Variants in KDM7A observed in about 807,000 individuals in gnomAD.
KDM7A encodes lysine-specific demethylase 7A.
A neutral mutation model predicts 114.8 loss-of-function variants in KDM7A; 28 were observed. The observed-to-expected ratio is 0.24, with a 90% CI of 0.18 to 0.33. The LOEUF (loss-of-function observed/expected upper bound fraction) is 0.33. Among genes scored for constraint, KDM7A ranks in the 10% least tolerant of loss-of-function variants. The pLI is 1.00. For missense variants in KDM7A, 942 were observed against 1,142.5 expected (o/e 0.82, Z 2.53); for synonymous variants, 423 against 397.8 (o/e 1.06, Z -0.75).
chr7:140,104,027 A>G (rs191112889), intron 11 of KDM7A, among the ~76,000 whole-genome samples: 64 of 152,218 alleles, frequency 4.2e-4, no homozygotes, highest in Non-Finnish European at 6.6e-4. Flanking sequence ...ATGGTATCTC[A>G]TTGTGGTTTT....
Position 140,133,626 on chromosome 7 carries a change from T to A in KDM7A, c.311A>T (p.Asp104Val). ...MKKRRNWHRH[D>V]YTEIDDGSKP... is the part of the protein sequence containing the mutation. ...GGAACCATCATCAATTTCTGTGTAG[T>A]CATGTCTGTGCCAGTTCCTCCTTTT... Residue 104 changes from aspartate to valine, a missense_variant, in exon 3 of 20, where the codon GAC becomes GTC. Transcript: ENST00000397560. 1 of 1,610,500 alleles carries A rather than the reference T, an allele frequency of 6.2e-7. No homozygotes were observed. The highest frequency in any genetic ancestry group is 8.5e-7 in the Non-Finnish European group (1 of 1,177,536).
intron 7 of KDM7A, among the ~76,000 whole-genome samples, chr7:140,123,923 A>T (rs1180277343): frequency 6.6e-6 from 1 of 152,066 alleles, no homozygotes; most frequent in African/African-American, 2.4e-5. Flanking sequence ...ACAAAAAATT[A>T]GCCAGGCATG....
In KDM7A at chr7:140,139,805, T is replaced by C. The variant is rs190114753; in HGVS notation, c.195-615A>G. Among the ~76,000 whole-genome samples the C allele has an allele frequency of 1.2e-3, 177 of 152,276 alleles. 3 individuals are homozygous for C. The highest frequency in any genetic ancestry group is 4.0e-3 in the African/African-American group (168 of 41,554). On this transcript the variant is annotated intron_variant, in intron 1 of 19. Coordinates refer to ENST00000397560, the MANE Select transcript of KDM7A (RefSeq NM_030647.2). ...AAGATTAACAAAGCTGGTAAACCTC[T>C]AGCAAGGCCAAGATAAAAGAGAAAA...
At chr7:140,162,175 A>T (rs933511097) in intron 1 of KDM7A, among the ~76,000 whole-genome samples, 1 of 152,124 alleles carries the variant, frequency 6.6e-6, no homozygotes, top group Admixed American at 6.5e-5. Flanking sequence ...ATCTCTACTA[A>T]AAATACAAAT....
chr7:140,112,821 T>C lies in KDM7A; in HGVS notation c.1338+670A>G, dbSNP rs574953032. On this transcript the variant is annotated intron_variant, in intron 10 of 19. Transcript: ENST00000397560. ...TTTAAGCCCATAGGCACAAGAAATA[T>C]AGCATGGATGCATAAGGGAAGGAAA... Among the ~76,000 whole-genome samples the C allele has an allele frequency of 7.9e-5, 12 of 152,326 alleles. No homozygotes were observed. The South Asian group carries it at 2.1e-3, about 26-fold the overall frequency.
At chr7:140,158,051 T>C (rs980243713) in intron 1 of KDM7A, among the ~76,000 whole-genome samples, 18 of 151,722 alleles carry the variant, frequency 1.2e-4, no homozygotes, top group African/African-American at 2.4e-4. Flanking sequence ...AAAAGGGCAA[T>C]AGTCTTTCCT....
chr7:140,115,866 AAATAAAT>A (rs1818520589), intron 9 of KDM7A, among the ~76,000 whole-genome samples: 1 of 78,930 alleles, frequency 1.3e-5, no homozygotes, highest in Non-Finnish European at 2.9e-5. Context: ...TAAAAAAAAA[AAATAAAT>A]GTCATACAAT....
At chr7:140,126,939 C>T (rs1021154876) in intron 5 of KDM7A, 116 bp from the exon 6 acceptor site, 9 of 762,142 alleles carry the variant, frequency 1.2e-5, no homozygotes, top group Non-Finnish European at 1.9e-5. Context: ...AGGTTAACAA[C>T]AACACTTAAA....
chr7:140,151,634 C>T (rs1438150026), intron 1 of KDM7A, among the ~76,000 whole-genome samples: 1 of 152,106 alleles, frequency 6.6e-6, no homozygotes, highest in African/African-American at 2.4e-5. Context: ...CTATAATCCT[C>T]TTGTACAGGA....
chr7:140,115,154 GCCC>G (rs989644560), intron 9 of KDM7A, among the ~76,000 whole-genome samples: 6 of 151,092 alleles, frequency 4.0e-5, no homozygotes, highest in African/African-American at 1.2e-4. Flanking sequence ...CCAGCCAGCT[GCCC>G]CATCAGGGAG....
In KDM7A at chr7:140,088,132, T is replaced by C. The variant is rs1020375785; in HGVS notation, c.*2962A>G. On this transcript the variant is annotated 3_prime_UTR_variant, in exon 20 of 20. Coordinates refer to ENST00000397560, the MANE Select transcript of KDM7A (RefSeq NM_030647.2). ...GTAATTAGTGATAAAGATGGGCTTG[T>C]TTCCTCTGAGTTTATGATTTCAGTC... 1 of 179,080 alleles carries C rather than the reference T, an allele frequency of 5.6e-6. No individual in the cohort carries two copies. The highest frequency in any genetic ancestry group is 1.2e-5 in the Non-Finnish European group (1 of 86,334). The allele number at this position is 179,080 out of a possible 1,614,324, so 11.1% of individuals were successfully genotyped here. A position where few individuals can be genotyped will look rare whatever the true frequency, so the allele number is the denominator to read the frequency against.
chr7:140,117,469 G>A (rs937064417), intron 9 of KDM7A, among the ~76,000 whole-genome samples: 2 of 131,208 alleles, frequency 1.5e-5, no homozygotes, highest in Non-Finnish European at 3.3e-5. Context: ...CAAGGGTAGA[G>A]GCGTGTGTGT....
At chr7:140,144,206 C>T (rs767566625) in intron 1 of KDM7A, among the ~76,000 whole-genome samples, 2 of 152,208 alleles carry the variant, frequency 1.3e-5, no homozygotes, top group African/African-American at 2.4e-5. Flanking sequence ...TAAACTCTTA[C>T]ATTTGTGGCC....
chr7:140,111,760 C>A (rs1420218446), intron 10 of KDM7A, among the ~76,000 whole-genome samples: 2 of 152,010 alleles, frequency 1.3e-5, no homozygotes, highest in Non-Finnish European at 2.9e-5. Flanking sequence ...GAAGTTTGAG[C>A]CCAGCCTGGC....
chr7:140,168,285 G>T (rs1794599976), intron 1 of KDM7A, among the ~76,000 whole-genome samples: 1 of 152,150 alleles, frequency 6.6e-6, no homozygotes, highest in African/African-American at 2.4e-5. Flanking sequence ...TCAATACAAG[G>T]TCGGGCGTGG....
At chr7:140,168,263 T>C (rs1010528003) in intron 1 of KDM7A, among the ~76,000 whole-genome samples, 3 of 152,110 alleles carry the variant, frequency 2.0e-5, no homozygotes, top group African/African-American at 7.2e-5. Flanking sequence ...CAATCTAACC[T>C]GAAGCTGTAT....
chr7:140,174,603 C>A (rs1397113634), intron 1 of KDM7A, among the ~76,000 whole-genome samples: 2 of 152,068 alleles, frequency 1.3e-5, no homozygotes, highest in Non-Finnish European at 2.9e-5. Context: ...AGACAAGTTT[C>A]TTTTTTCTTT....
At chr7:140,113,224 A>G (rs917428702) in intron 10 of KDM7A, among the ~76,000 whole-genome samples, 2 of 152,326 alleles carry the variant, frequency 1.3e-5, no homozygotes, top group Non-Finnish European at 1.5e-5. Flanking sequence ...AATGTTACCT[A>G]TATGTTCATT....
Position 140,176,821 on chromosome 7 carries a change from G to A in KDM7A, c.117C>T (p.Tyr39=), listed in dbSNP as rs566162029. 8.8e-6 allele frequency: 12 copies of A among 1,361,016 alleles called. No individual in the cohort carries two copies. Among genetic ancestry groups the A allele is most frequent in the African/African-American group, 3.0e-5 (2 of 66,030 alleles). 84.3% of individuals were successfully genotyped at this position (1,361,016 alleles called of 1,614,324 possible). A position where few individuals can be genotyped will look rare whatever the true frequency, so the allele number is the denominator to read the frequency against. The part of the protein sequence containing the change: ...ASAPPPPPPV[Y]CVCRQPYDVN... ...CGTCGTACGGCTGCCGGCACACACA[G>A]TACACGGGCGGGGGCGGCGGAGGCG... The change falls in exon 1 of 20, where the codon TAC becomes TAT. Residue 39 remains tyrosine (Y), a synonymous_variant. Coordinates refer to ENST00000397560, the MANE Select transcript of KDM7A (RefSeq NM_030647.2). The surrounding 1 kb of genome is among the most constrained non-coding windows in gnomAD (Gnocchi z 4.4).
Sources: gnomAD v4.1 joint callset for allele counts (sites outside exome capture counted in the v4.1 genomes callset) on GRCh38, gnomAD v4.1.1 for gene constraint, Gnocchi (gnomAD v3.1) non-coding constraint, MANE v1.5 for transcripts, NCBI Gene and HGNC (gene_info 2026-07-23, HGNC 2026-07-21) for gene names.